Variants in XKR6 observed in about 807,000 individuals in gnomAD.
XKR6 encodes XK related 6.
XKR6 carries 22 observed loss-of-function variants against 56.7 expected under a neutral mutation model. The observed-to-expected ratio is 0.39, with a 90% CI of 0.28 to 0.55. The LOEUF (loss-of-function observed/expected upper bound fraction) is 0.55, where lower values mean the gene tolerates loss of function less well. Among genes scored for constraint, XKR6 ranks in the 20% least tolerant of loss-of-function variants. The pLI is 0.66. For synonymous variants in XKR6, 524 were observed against 387.8 expected (o/e 1.35, Z -4.13); for missense variants, 852 against 889.0 (o/e 0.96, Z 0.53).
chr8:11,141,975 C>T (rs1192350408), intron 1 of XKR6, among the ~76,000 whole-genome samples: 1 of 149,390 alleles, frequency 6.7e-6, no homozygotes, highest in Non-Finnish European at 1.5e-5. Context: ...ATTCTCCAAG[C>T]TGGACACATA....
intron 1 of XKR6, among the ~76,000 whole-genome samples, chr8:11,140,839 A>C (rs974096206): frequency 7.0e-6 from 1 of 143,712 alleles, no homozygotes; most frequent in Non-Finnish European, 1.5e-5. Flanking sequence ...AAGAGCTTGT[A>C]GTGAGCCGAG....
intron 1 of XKR6, among the ~76,000 whole-genome samples, chr8:11,120,489 G>T (rs1799395114): frequency 6.6e-6 from 1 of 152,234 alleles, no homozygotes; most frequent in East Asian, 1.9e-4. Context: ...GGGATGTGAA[G>T]GACCTCTTCA....
At position 11,050,410 on chromosome 8, in the gene XKR6, G is replaced by A. The variant is rs147381479; in HGVS notation, c.765-125580C>T. Among the ~76,000 whole-genome samples the A allele has an allele frequency of 5.9e-5, 9 of 152,102 alleles. No homozygotes were observed. The East Asian group carries it at 1.2e-3, about 20-fold the overall frequency. ...GGGGATGGGCCTGGATGATGGTCTC[G>A]GAGATCCCTTCCAGCTCCGACAGTC... is the stretch of plus-strand genomic sequence containing the variant. On this transcript the variant is annotated intron_variant, in intron 1 of 2. Coordinates refer to ENST00000416569, the MANE Select transcript of XKR6 (RefSeq NM_173683.4).
chr8:11,091,490 A>G (rs903226743), intron 1 of XKR6, among the ~76,000 whole-genome samples: 7 of 150,660 alleles, frequency 4.6e-5, no homozygotes, highest in African/African-American at 1.7e-4. Flanking sequence ...GAAAAAAGAA[A>G]AAGAAAAGAA....
intron 1 of XKR6, among the ~76,000 whole-genome samples, chr8:11,040,473 A>G (rs1036751949): frequency 2.0e-5 from 3 of 152,070 alleles, no homozygotes; most frequent in African/African-American, 4.8e-5. Flanking sequence ...TCGAGGCTGC[A>G]GTGAGCCATG....
chr8:11,016,064 C>A (rs967540276), intron 1 of XKR6, among the ~76,000 whole-genome samples: 1 of 152,190 alleles, frequency 6.6e-6, no homozygotes, highest in Non-Finnish European at 1.5e-5. Context: ...CCTTCCACTG[C>A]GCCCCCACAA....
intron 1 of XKR6, among the ~76,000 whole-genome samples, chr8:10,976,220 T>C (rs192276233): frequency 6.6e-6 from 1 of 151,532 alleles, no homozygotes; most frequent in Non-Finnish European, 1.5e-5. Flanking sequence ...CACCATGTTG[T>C]GGGAGGGTTT....
At chr8:10,909,603 T>C (rs1251595099) in intron 2 of XKR6, among the ~76,000 whole-genome samples, 1 of 152,230 alleles carries the variant, frequency 6.6e-6, no homozygotes, top group East Asian at 1.9e-4. Context: ...TCTTGGATTC[T>C]TAAGTAGGCA....
chr8:11,192,173 T>G (rs575421574), intron 1 of XKR6, among the ~76,000 whole-genome samples: 111 of 152,086 alleles, frequency 7.3e-4, no homozygotes, highest in African/African-American at 2.6e-3. Flanking sequence ...TTTTTTTTTT[T>G]TGTGAGGTGG....
intron 1 of XKR6, among the ~76,000 whole-genome samples, chr8:11,139,374 C>G (rs1435009763): frequency 1.3e-5 from 2 of 152,164 alleles, no homozygotes; most frequent in Non-Finnish European, 2.9e-5. Context: ...CCAGCAGTCA[C>G]TGCCCCTGCA....
chr8:11,006,035 G>A (rs1035070588), intron 1 of XKR6, among the ~76,000 whole-genome samples: 3 of 151,708 alleles, frequency 2.0e-5, no homozygotes, highest in South Asian at 2.1e-4. Context: ...GTAGAGACGG[G>A]GTTTCACCAT....
intron 2 of XKR6, among the ~76,000 whole-genome samples, chr8:10,923,147 CT>C (rs2129116621): frequency 6.6e-6 from 1 of 152,356 alleles, no homozygotes; most frequent in South Asian, 2.1e-4. Flanking sequence ...GAGGTTGTGG[CT>C]GCCTTGAGCA....
chr8:11,047,254 A>G (rs970510937), intron 1 of XKR6, among the ~76,000 whole-genome samples: 4 of 152,240 alleles, frequency 2.6e-5, no homozygotes, highest in Non-Finnish European at 5.9e-5. Flanking sequence ...ATCACACAGT[A>G]CACCATTAAT....
At chr8:11,053,741 T>C (rs1250455329) in intron 1 of XKR6, among the ~76,000 whole-genome samples, 1 of 152,248 alleles carries the variant, frequency 6.6e-6, no homozygotes, top group Non-Finnish European at 1.5e-5. Context: ...TGTGCTGTCC[T>C]GTGGATAAAA....
At chr8:11,105,234 G>T (rs1419991434) in intron 1 of XKR6, 3 of 152,152 alleles carry the variant, frequency 2.0e-5, no homozygotes, top group African/African-American at 7.2e-5. Context: ...AAAAAAGAAT[G>T]TATATCTTTA....
At chr8:11,087,025 G>A (rs1797913990) in intron 1 of XKR6, among the ~76,000 whole-genome samples, 1 of 152,130 alleles carries the variant, frequency 6.6e-6, no homozygotes, top group African/African-American at 2.4e-5. Flanking sequence ...GGGCTGACGT[G>A]TGGGCAAGTA....
intron 1 of XKR6, among the ~76,000 whole-genome samples, chr8:11,070,973 T>C (rs925123190): frequency 1.1e-4 from 17 of 152,200 alleles, no homozygotes; most frequent in Admixed American, 9.8e-4. Flanking sequence ...TGGGGCGCTA[T>C]CCCAAGAAGC....
intron 2 of XKR6, among the ~76,000 whole-genome samples, chr8:10,922,373 G>A (rs1298845751): frequency 1.3e-5 from 2 of 152,208 alleles, no homozygotes; most frequent in African/African-American, 2.4e-5. Context: ...GGATATGGAG[G>A]CCTCACCAGG....
intron 1 of XKR6, among the ~76,000 whole-genome samples, chr8:10,990,895 CTTTTTTTTTTT>C (rs59410799): frequency 6.8e-5 from 5 of 73,600 alleles, no homozygotes; most frequent in African/African-American, 1.8e-4. Flanking sequence ...TGGGGAATGT[CTTTTTTTTTTT>C]TTTTTTTTTT....
Sources: gnomAD v4.1 joint callset for allele counts (sites outside exome capture counted in the v4.1 genomes callset) on GRCh38, gnomAD v4.1.1 for gene constraint, MANE v1.5 for transcripts, NCBI Gene and HGNC (gene_info 2026-07-23, HGNC 2026-07-21) for gene names.